The following GRID2 variants were observed in gnomAD, a reference collection of about 807,000 sequenced individuals.
GRID2 encodes glutamate ionotropic receptor delta type subunit 2.
A neutral mutation model predicts 114.8 loss-of-function variants in GRID2; 33 were observed. The ratio of observed to expected loss-of-function variants is 0.29; its 90% CI spans 0.22 to 0.38. The LOEUF is 0.38. GRID2 is among the 10% of genes least tolerant of loss of function. The probability of loss-of-function intolerance (pLI) is 1.00; values close to 1 mark genes in which losing one functional copy is unlikely to be tolerated. For missense variants in GRID2, 1,184 were observed against 1,257.7 expected, an observed-to-expected ratio of 0.94 and a Z score of 0.89; for synonymous variants, 505 against 449.9, an observed-to-expected ratio of 1.12 and a Z score of -1.55.
intron 2 of GRID2, among the ~76,000 whole-genome samples, chr4:92,694,988 A>T (rs895531549): frequency 2.6e-5 from 4 of 152,056 alleles, no homozygotes; most frequent in Non-Finnish European, 4.4e-5. Flanking sequence ...GTTTTTTGGG[A>T]TGGAGTCTCA....
chr4:93,094,887 C>A (rs1018307881), intron 3 of GRID2, among the ~76,000 whole-genome samples: 1 of 151,168 alleles, frequency 6.6e-6, no homozygotes, highest in Non-Finnish European at 1.5e-5. Flanking sequence ...AATAAATAAG[C>A]AAATTAATTA....
At chr4:92,336,951 G>GTTTTTTT (rs1474706431) in intron 1 of GRID2, among the ~76,000 whole-genome samples, 1 of 16,552 alleles carries the variant, frequency 6.0e-5, no homozygotes, top group African/African-American at 1.4e-4. Flanking sequence ...GTCTTTCGTT[G>GTTTTTTT]TTGTTTTTTT....
intron 2 of GRID2, among the ~76,000 whole-genome samples, chr4:92,911,346 G>T (rs1748365709): frequency 6.6e-6 from 1 of 151,890 alleles, no homozygotes; most frequent in African/African-American, 2.4e-5. Context: ...CCTTTTCTTT[G>T]CGAAGAATTT....
Position 93,292,119 on chromosome 4 carries a change from G to A in GRID2, c.1245+53629G>A, listed in dbSNP as rs542867111. 5.3e-5 allele frequency among the ~76,000 whole-genome samples: 8 copies of A among 152,262 alleles called. No individual in the cohort carries two copies. In the South Asian group the frequency reaches 1.7e-3, roughly 32 times the overall value. ...TTGCTCTTGGTGATTAAGGACTTGT[G>A]ATTTTACATACTCAGAGGACAAATT... On this transcript the variant is annotated intron_variant, in intron 8 of 15. Transcript: ENST00000282020.
At chr4:92,713,138 C>T (rs974477182) in intron 2 of GRID2, among the ~76,000 whole-genome samples, 3 of 150,690 alleles carry the variant, frequency 2.0e-5, no homozygotes, top group African/African-American at 7.3e-5. Context: ...AAATGCTATC[C>T]CTCCCCGCTC....
chr4:93,609,129 C>T (rs969722712), intron 13 of GRID2, among the ~76,000 whole-genome samples: 2 of 109,706 alleles, frequency 1.8e-5, no homozygotes, highest in African/African-American at 7.1e-5. Context: ...AGTGTCTGTT[C>T]ATGTCCTTCG....
At chr4:93,809,487 G>A (rs1246671919) in exon 2 of GRID2, 1 of 152,152 alleles carries the variant, frequency 6.6e-6, no homozygotes, top group African/African-American at 2.4e-5. Flanking sequence ...TTCTATAAAA[G>A]TTCTCCTGAG....
chr4:92,728,658 A>G (rs994872377), intron 2 of GRID2, among the ~76,000 whole-genome samples: 1 of 151,948 alleles, frequency 6.6e-6, no homozygotes, highest in Non-Finnish European at 1.5e-5. Flanking sequence ...AAGTGAATCA[A>G]TAAGTCCAGC....
Position 92,565,580 on chromosome 4 carries a change from T to A in GRID2, c.89-24551T>A, listed in dbSNP as rs186222211. Among the ~76,000 whole-genome samples the A allele has an allele frequency of 5.2e-3, 793 of 152,124 alleles. 5 individuals carry two copies. Among genetic ancestry groups the A allele is most frequent in the African/African-American group, 0.018 (753 of 41,548 alleles). ...ATCTACTAAATTTTATCTATCTATT[T>A]ATCTATCCATTTCTATAGCTAGACT... is the stretch of plus-strand genomic sequence containing the variant. On this transcript the variant is annotated intron_variant, in intron 1 of 15. Transcript: ENST00000282020.
chr4:93,391,355 C>T (rs185650855), intron 8 of GRID2, among the ~76,000 whole-genome samples: 185 of 152,272 alleles, frequency 1.2e-3, no homozygotes, highest in African/African-American at 4.3e-3. Flanking sequence ...CTGCACATTT[C>T]TAAGTGGCTG....
intron 14 of GRID2, among the ~76,000 whole-genome samples, chr4:93,661,874 G>A (rs751928710): frequency 5.9e-5 from 9 of 152,120 alleles, no homozygotes; most frequent in Non-Finnish European, 1.3e-4. Flanking sequence ...TGAGATCATG[G>A]CTCGGTTCTC....
intron 8 of GRID2, among the ~76,000 whole-genome samples, chr4:93,250,737 T>G (rs1021669151): frequency 6.8e-6 from 1 of 147,266 alleles, no homozygotes; most frequent in African/African-American, 2.5e-5. Flanking sequence ...TGTGCATATA[T>G]ATAATGTTAT....
At chr4:93,222,954 C>G (rs1057045768) in intron 6 of GRID2, among the ~76,000 whole-genome samples, 1 of 152,182 alleles carries the variant, frequency 6.6e-6, no homozygotes, top group South Asian at 2.1e-4. Context: ...CTTAAATACA[C>G]GTTCACCAAA....
intron 8 of GRID2, among the ~76,000 whole-genome samples, chr4:93,381,092 A>G (rs1763811107): frequency 6.6e-6 from 1 of 152,122 alleles, no homozygotes; most frequent in Admixed American, 6.6e-5. Context: ...AAAATATACC[A>G]TCTTAAACAT....
chr4:92,657,739 A>AT (rs1479441286), intron 2 of GRID2, among the ~76,000 whole-genome samples: 1 of 151,710 alleles, frequency 6.6e-6, no homozygotes, highest in Non-Finnish European at 1.5e-5. Flanking sequence ...TTTTGTTTTT[A>AT]TTTTTTATTG....
chr4:93,146,794 T>C (rs990155242), intron 4 of GRID2, among the ~76,000 whole-genome samples: 2 of 152,196 alleles, frequency 1.3e-5, no homozygotes, highest in Admixed American at 6.5e-5. Flanking sequence ...ATGCTTTTCA[T>C]TGGGATTAAC....
intron 2 of GRID2, among the ~76,000 whole-genome samples, chr4:92,844,555 C>T (rs1434399480): frequency 6.6e-6 from 1 of 151,676 alleles, no homozygotes; most frequent in African/African-American, 2.4e-5. Context: ...TCATCATCAT[C>T]ATCCACCTTT....
chr4:93,268,427 A>T (rs952949665), intron 8 of GRID2, among the ~76,000 whole-genome samples: 5 of 152,044 alleles, frequency 3.3e-5, no homozygotes, highest in Admixed American at 6.6e-5. Context: ...CTCCAAATAT[A>T]TTTGGGGTTA....
intron 14 of GRID2, among the ~76,000 whole-genome samples, chr4:93,718,858 C>G (rs897213860): frequency 6.6e-6 from 1 of 152,168 alleles, no homozygotes; most frequent in East Asian, 1.9e-4. Context: ...AACATTCTTT[C>G]TCTTCTCAAA....
Sources: allele counts gnomAD v4.1 joint callset (sites outside exome capture counted in the v4.1 genomes callset), GRCh38; gene constraint gnomAD v4.1.1; transcripts MANE v1.5; gene names NCBI Gene and HGNC (gene_info 2026-07-23, HGNC 2026-07-21).